Variants in MEMO1 observed in about 807,000 individuals in gnomAD.
MEMO1 encodes mediator of cell motility 1.
A neutral mutation model predicts 45.2 loss-of-function variants in MEMO1; 6 were observed. That is an observed-to-expected ratio of 0.13 (90% CI 0.07 to 0.26). The LOEUF (loss-of-function observed/expected upper bound fraction) is 0.26. Among genes scored for constraint, MEMO1 ranks in the 10% least tolerant of loss-of-function variants. MEMO1 has a pLI of 1.00. For synonymous variants in MEMO1, 78 were observed against 124.3 expected (o/e 0.63, Z 2.48); for missense variants, 184 against 370.5 (o/e 0.50, Z 4.13).
chr2:31,989,078 T>C (rs1374865836), intron 2 of MEMO1, among the ~76,000 whole-genome samples: 2 of 151,996 alleles, frequency 1.3e-5, no homozygotes, highest in African/African-American at 4.8e-5. Context: ...TGGTGGTATG[T>C]GCCTGGAATC....
chr2:31,920,096 T>C (rs915948757), intron 5 of MEMO1, among the ~76,000 whole-genome samples: 16 of 152,048 alleles, frequency 1.1e-4, no homozygotes, highest in Non-Finnish European at 1.5e-4. Flanking sequence ...GAATAAATTG[T>C]GGATGTTAAG....
At chr2:32,000,252 G>A (rs575338528) in intron 2 of MEMO1, among the ~76,000 whole-genome samples, 30 of 149,300 alleles carry the variant, frequency 2.0e-4, no homozygotes, top group African/African-American at 6.2e-4. Context: ...TTTTTGAGAC[G>A]GAGTTTCACT....
intron 4 of MEMO1, among the ~76,000 whole-genome samples, chr2:31,927,257 T>C (rs1312325980): frequency 6.6e-6 from 1 of 152,050 alleles, no homozygotes; most frequent in East Asian, 1.9e-4. Flanking sequence ...GAGGTGGAGG[T>C]TGCAGTGAGC....
chr2:31,995,075 G>C (rs757610273), intron 2 of MEMO1, among the ~76,000 whole-genome samples: 12 of 151,966 alleles, frequency 7.9e-5, no homozygotes, highest in Non-Finnish European at 1.2e-4. Context: ...ACTATACCCA[G>C]ACCCAGAAAT....
chr2:31,969,777 CTT>C (rs35837397), intron 2 of MEMO1, among the ~76,000 whole-genome samples: 31 of 143,476 alleles, frequency 2.2e-4, no homozygotes, highest in South Asian at 1.1e-3. Flanking sequence ...ACCCAACTAA[CTT>C]TTTTTTTTTT....
intron 6 of MEMO1, among the ~76,000 whole-genome samples, chr2:31,895,835 ATCT>A (rs1677693445): frequency 6.9e-6 from 1 of 144,696 alleles, no homozygotes; most frequent in Non-Finnish European, 1.5e-5. Flanking sequence ...CAAGAAAAAA[ATCT>A]TTTTTTTTTT....
At chr2:31,988,546 G>GA (rs1203965430) in intron 2 of MEMO1, among the ~76,000 whole-genome samples, 3 of 151,728 alleles carry the variant, frequency 2.0e-5, no homozygotes, top group Non-Finnish European at 4.4e-5. Context: ...ACTCTGTCTC[G>GA]AAAAAAATAA....
intron 3 of MEMO1, 24 bp from the exon 4 acceptor site, chr2:31,932,159 C>T (rs1272631054): frequency 6.3e-7 from 1 of 1,598,414 alleles, no homozygotes; most frequent in Non-Finnish European, 8.6e-7. Flanking sequence ...TATTTTTAAA[C>T]TTAATCATCA....
chr2:31,974,908 T>C (rs1669826050), intron 2 of MEMO1, among the ~76,000 whole-genome samples: 1 of 152,118 alleles, frequency 6.6e-6, no homozygotes, highest in Admixed American at 6.6e-5. Context: ...CAGTGGCTCA[T>C]GCCTGTAATC....
rs1478135752 is a variant in MEMO1 at position 31,943,371 on chromosome 2, T to C, written c.74A>G (p.Asn25Ser). The change falls in exon 3 of 10, where the codon AAT becomes AGT. Residue 25 changes from asparagine (N) to serine (S), a missense_variant. Around this residue, in one of 3 missense-constraint regions of MEMO1, gnomAD observed 27 missense variants for 82.1 expected, o/e 0.33. Transcript: ENST00000404530. ...TGAAAGCCAACCTTCTAGCTGTGCA[T>C]TCAGCTGCGGTCCTATAAAAAGACA... ...SWYTASGPQL[N>S]AQLEGWLSQV... is the part of the protein sequence containing the mutation. The C allele has an allele frequency of 1.2e-6, 2 of 1,612,712 alleles. No homozygotes were observed. The highest frequency in any genetic ancestry group is 4.5e-5 in the East Asian group (2 of 44,896).
At chr2:31,936,499 G>A (rs997836369) in intron 3 of MEMO1, among the ~76,000 whole-genome samples, 5 of 152,066 alleles carry the variant, frequency 3.3e-5, no homozygotes, top group South Asian at 2.1e-4. Context: ...CCTTTACGTC[G>A]GCAAGTCTAG....
chr2:31,887,326 T>G (rs1272404369), intron 7 of MEMO1, among the ~76,000 whole-genome samples: 2 of 152,116 alleles, frequency 1.3e-5, no homozygotes, highest in Non-Finnish European at 2.9e-5. Context: ...TGCACTGAAC[T>G]GCAAAAATAA....
rs549773648 is a variant in MEMO1, at chr2:31,959,926, T to C, written c.62-16543A>G. Among the ~76,000 whole-genome samples the C allele has an allele frequency of 2.0e-4, 30 of 152,294 alleles. No homozygotes were observed. In the South Asian group the frequency reaches 3.9e-3, roughly 20 times the overall value. ...AAAAGTGCATTTTTTGAAAGATAAA[T>C]GTTAATCATTTCTGGCCTGGTGTGG... On this transcript the variant is annotated intron_variant, in intron 2 of 9. Transcript: ENST00000404530.
chr2:31,980,928 C>T (rs1448609621), intron 2 of MEMO1, among the ~76,000 whole-genome samples: 3 of 152,200 alleles, frequency 2.0e-5, no homozygotes, highest in Non-Finnish European at 2.9e-5. Context: ...GCAGCCAATA[C>T]GGTAGTCTCA....
chr2:31,877,124 A>G lies in MEMO1; in HGVS notation c.657+6262T>C, dbSNP rs1674676037. ...CATCCATTTATCCAGCACTCATTCAACAACTGTATATATTGTGTGCCCACT... is the reference window on the plus strand; with the variant it reads ...CATCCATTTATCCAGCACTCATTCAGCAACTGTATATATTGTGTGCCCACT... On this transcript the variant is annotated intron_variant, in intron 8 of 9. Coordinates refer to ENST00000404530, the MANE Select transcript of MEMO1 (RefSeq NM_001301833.4). 3.3e-5 allele frequency among the ~76,000 whole-genome samples: 5 copies of G among 152,330 alleles called. No homozygotes were observed. The South Asian group carries it at 1.0e-3, about 32-fold the overall frequency.
intron 8 of MEMO1, among the ~76,000 whole-genome samples, chr2:31,872,348 T>C (rs1378655263): frequency 6.6e-6 from 1 of 152,196 alleles, no homozygotes; most frequent in Non-Finnish European, 1.5e-5. Context: ...TGCATACATG[T>C]TGTAGGTGAA....
chr2:31,988,322 G>T (rs570223799), intron 2 of MEMO1, among the ~76,000 whole-genome samples: 3 of 151,918 alleles, frequency 2.0e-5, no homozygotes, highest in Non-Finnish European at 4.4e-5. Flanking sequence ...TGAGGCAGGC[G>T]GATCACTTGA....
At chr2:31,869,385 C>G (rs923328973) in intron 9 of MEMO1, among the ~76,000 whole-genome samples, 1 of 152,068 alleles carries the variant, frequency 6.6e-6, no homozygotes, top group Non-Finnish European at 1.5e-5. Context: ...CATTCCTTAA[C>G]TGAAATAAAC....
chr2:31,919,922 A>G (rs948837872), intron 5 of MEMO1, among the ~76,000 whole-genome samples: 2 of 147,884 alleles, frequency 1.4e-5, no homozygotes, highest in Admixed American at 1.4e-4. Context: ...ATGCATATGT[A>G]TACATGCACA....
Sources: allele counts gnomAD v4.1 joint callset (sites outside exome capture counted in the v4.1 genomes callset), GRCh38; gene constraint gnomAD v4.1.1; regional missense constraint gnomAD v4.1.1; transcripts MANE v1.5; gene names NCBI Gene and HGNC (gene_info 2026-07-23, HGNC 2026-07-21).